PRKAG2: variants seen among roughly 807,000 people sequenced by gnomAD.
The protein encoded by PRKAG2 is 5'-AMP-activated protein kinase subunit gamma-2.
A neutral mutation model predicts 69.6 loss-of-function variants in PRKAG2; 26 were observed. That is an observed-to-expected ratio of 0.37 (90% CI 0.27 to 0.52). PRKAG2 has a LOEUF of 0.52. PRKAG2 is among the 20% of genes least tolerant of loss of function. The pLI, the probability that PRKAG2 is intolerant of heterozygous loss-of-function variation, is 0.90. For missense variants in PRKAG2, 557 were observed against 740.0 expected (o/e 0.75, Z 2.87); for synonymous variants, 293 against 285.0 (o/e 1.03, Z -0.28).
chr7:151,872,380 C>CA (rs2080238497), intron 1 of PRKAG2, among the ~76,000 whole-genome samples: 1 of 152,228 alleles, frequency 6.6e-6, no homozygotes, highest in Non-Finnish European at 1.5e-5. Context: ...GGCTGATTCC[C>CA]ATGGAATGCT....
At chr7:151,558,340 A>G (rs1421770675) in intron 15 of PRKAG2, 1 of 985,424 alleles carries the variant, frequency 1.0e-6, no homozygotes, top group African/African-American at 1.7e-5. Flanking sequence ...TCCATGGACA[A>G]CCACCTAACA....
chr7:151,708,787 T>C (rs1252295663), intron 3 of PRKAG2, among the ~76,000 whole-genome samples: 1 of 152,114 alleles, frequency 6.6e-6, no homozygotes, highest in Non-Finnish European at 1.5e-5. Context: ...CTCTCTGGAG[T>C]GCCCTTGGTG....
chr7:151,860,297 G>A (rs575142165), intron 1 of PRKAG2, among the ~76,000 whole-genome samples: 44 of 152,318 alleles, frequency 2.9e-4, no homozygotes, highest in African/African-American at 9.9e-4. Flanking sequence ...CATGCTTTGC[G>A]CCATTTGCAG....
At chr7:151,748,645 T>C (rs1353574763) in intron 3 of PRKAG2, among the ~76,000 whole-genome samples, 2 of 152,140 alleles carry the variant, frequency 1.3e-5, no homozygotes, top group East Asian at 3.8e-4. Context: ...ACTACTTCAC[T>C]GAAAATTAAA....
At chr7:151,664,174 C>T (rs368036630) in intron 4 of PRKAG2, among the ~76,000 whole-genome samples, 9 of 152,280 alleles carry the variant, frequency 5.9e-5, no homozygotes, top group South Asian at 4.1e-4. Flanking sequence ...CCAGAGGTGA[C>T]GGACAACCAT....
At chr7:151,700,507 T>C (rs1479884455) in intron 3 of PRKAG2, among the ~76,000 whole-genome samples, 1 of 152,198 alleles carries the variant, frequency 6.6e-6, no homozygotes, top group Non-Finnish European at 1.5e-5. Context: ...ACCCCCTTTT[T>C]AACGCAGGCT....
At chr7:151,876,186 C>G (rs1249056601) in intron 1 of PRKAG2, among the ~76,000 whole-genome samples, 1 of 151,980 alleles carries the variant, frequency 6.6e-6, no homozygotes, top group Admixed American at 6.6e-5. Flanking sequence ...ACGCACCGCC[C>G]CCCGCACCCG....
At chr7:151,599,461 A>G (rs947079641) in intron 5 of PRKAG2, among the ~76,000 whole-genome samples, 3 of 152,188 alleles carry the variant, frequency 2.0e-5, no homozygotes, top group African/African-American at 4.8e-5. Flanking sequence ...ATGCAAATAT[A>G]ATCTAATCCA....
At chr7:151,740,484 G>C (rs762638126) in intron 3 of PRKAG2, among the ~76,000 whole-genome samples, 1 of 152,222 alleles carries the variant, frequency 6.6e-6, no homozygotes, top group African/African-American at 2.4e-5. Flanking sequence ...TTTGAAAGTA[G>C]TGTCTTTATT....
rs536959540 is a variant in PRKAG2, at chr7:151,752,448, T to C, written c.466+28704A>G. On this transcript the variant is annotated intron_variant, in intron 3 of 15. Coordinates refer to ENST00000287878, the MANE Select transcript of PRKAG2 (RefSeq NM_016203.4). ...GGAGAGGAACGGAAAAGATAACTAT[T>C]GGGTACTGAGCCTAATACATGATGA... 1.8e-4 allele frequency among the ~76,000 whole-genome samples: 28 copies of C among 152,266 alleles called. No individual in the cohort carries two copies. The East Asian group carries it at 5.4e-3, about 29-fold the overall frequency.
At chr7:151,798,164 T>C (rs993028143) in intron 1 of PRKAG2, among the ~76,000 whole-genome samples, 11 of 150,150 alleles carry the variant, frequency 7.3e-5, no homozygotes, top group Non-Finnish European at 1.0e-4. Context: ...CCACCACGCC[T>C]GGCTAATTTT....
chr7:151,561,919 C>T (rs60574691), intron 14 of PRKAG2, among the ~76,000 whole-genome samples: 13,758 of 111,092 alleles, frequency 0.12, 1,845 homozygotes, highest in African/African-American at 0.36. Flanking sequence ...GGCGACAGAG[C>T]GAGACTGTGT....
chr7:151,605,654 T>C (rs1434661120), intron 5 of PRKAG2, among the ~76,000 whole-genome samples: 1 of 152,074 alleles, frequency 6.6e-6, no homozygotes, highest in East Asian at 1.9e-4. Context: ...CAAGAATTGC[T>C]TCAGGCCAGG....
chr7:151,706,090 T>G (rs1838555317), intron 3 of PRKAG2, among the ~76,000 whole-genome samples: 1 of 152,038 alleles, frequency 6.6e-6, no homozygotes, highest in Admixed American at 6.6e-5. Context: ...GAGTAAAAGG[T>G]TAGGTAACAC....
chr7:151,691,325 C>A (rs1033717537), intron 3 of PRKAG2, among the ~76,000 whole-genome samples: 1 of 151,794 alleles, frequency 6.6e-6, no homozygotes, highest in Non-Finnish European at 1.5e-5. Flanking sequence ...ATTTTTTCCC[C>A]TGAATATTTT....
At chr7:151,841,659 G>T (rs371030813) in intron 1 of PRKAG2, among the ~76,000 whole-genome samples, 789 of 68,636 alleles carry the variant, frequency 0.011, 9 homozygotes, top group African/African-American at 0.034. Flanking sequence ...AGTGATGATG[G>T]TAGTGATGGT....
chr7:151,680,100 T>C (rs1833615955), intron 3 of PRKAG2, among the ~76,000 whole-genome samples: 3 of 152,148 alleles, frequency 2.0e-5, no homozygotes, highest in South Asian at 2.1e-4. Context: ...CATGCAGGCA[T>C]TGGGCAAAGG....
intron 3 of PRKAG2, among the ~76,000 whole-genome samples, chr7:151,697,119 G>A (rs75411036): frequency 0.14 from 22,044 of 152,216 alleles, 2,007 homozygotes; most frequent in Non-Finnish European, 0.21. Context: ...GAGCATCCCC[G>A]GGGAGAGAGC....
At chr7:151,853,582 T>C (rs532927574) in intron 1 of PRKAG2, among the ~76,000 whole-genome samples, 1 of 151,948 alleles carries the variant, frequency 6.6e-6, no homozygotes, top group South Asian at 2.1e-4. Context: ...CACAGTGAAA[T>C]GCCAGCTCTA....
Sources: allele counts gnomAD v4.1 joint callset (sites outside exome capture counted in the v4.1 genomes callset), GRCh38; gene constraint gnomAD v4.1.1; transcripts MANE v1.5; gene names NCBI Gene and HGNC (gene_info 2026-07-23, HGNC 2026-07-21).